Variants in PADI6 observed in about 807,000 individuals in gnomAD.
PADI6 encodes inactive protein-arginine deiminase type-6.
Under a neutral mutation model 78.2 loss-of-function variants are expected in PADI6, and 66 were observed. The ratio of observed to expected loss-of-function variants is 0.84; its 90% CI spans 0.69 to 1.04. The LOEUF (loss-of-function observed/expected upper bound fraction) is 1.04, where lower values mean the gene tolerates loss of function less well. Among genes scored for constraint, PADI6 ranks in the 50% least tolerant of loss-of-function variants. The pLI is 0.00. For synonymous variants in PADI6, 397 were observed against 346.9 expected, an observed-to-expected ratio of 1.14 and a Z score of -1.60; for missense variants, 854 against 866.1, an observed-to-expected ratio of 0.99 and a Z score of 0.18.
Position 17,388,770 on chromosome 1 carries a change from G to C in PADI6, c.859-7G>C, listed in dbSNP as rs1041170448. ...CAGGTTGCTAACAGGACCTTGTCTT[G>C]TTGCAGTCAATTCCAGAGACTGTGC... is the stretch of plus-strand genomic sequence containing the variant. On this transcript the variant is annotated splice_polypyrimidine_tract_variant and splice_region_variant and intron_variant, in intron 7 of 15. Coordinates refer to ENST00000619609, the MANE Select transcript of PADI6 (RefSeq NM_207421.4). 3 of 1,612,032 alleles carry C rather than the reference G, an allele frequency of 1.9e-6. No individual in the cohort carries two copies. Among genetic ancestry groups the C allele is most frequent in the Middle Eastern group, 1.7e-4 (1 of 6,034 alleles).
At position 17,378,299 on chromosome 1, in the gene PADI6, T is replaced by C. The variant is rs140232851; in HGVS notation, c.368-1621T>C. ...TCATGTAAGCTCTAAGGAGATGAGG[T>C]CTCCGTCTTGCACGCTGCTAGATCC... On this transcript the variant is annotated intron_variant, in intron 3 of 15. Transcript: ENST00000619609. 7.5e-3 allele frequency among the ~76,000 whole-genome samples: 1,146 copies of C among 152,210 alleles called. 9 individuals carry two copies. The highest frequency in any genetic ancestry group is 0.014 in the Middle Eastern group (4 of 294).
chr1:17,381,227 A>T, intron 5 of PADI6, 63 bp downstream of exon 5: 1 of 1,392,502 alleles, frequency 7.2e-7, no homozygotes, highest in Non-Finnish European at 9.9e-7. Context: ...CTTCTCAGCA[A>T]ATGGATTCCA....
intron 4 of PADI6, among the ~76,000 whole-genome samples, chr1:17,380,191 T>G (rs2075059163): frequency 6.6e-6 from 1 of 151,834 alleles, no homozygotes; most frequent in African/African-American, 2.4e-5. Flanking sequence ...GGGGTATTTT[T>G]TTGTTTTTTT....
intron 9 of PADI6, 40 bp downstream of exon 9, chr1:17,392,265 G>C: frequency 6.9e-7 from 1 of 1,455,830 alleles, no homozygotes; most frequent in African/African-American, 1.4e-5. Flanking sequence ...GGGGAGGGGT[G>C]GGGAGACTCA....
At chr1:17,393,895 G>A (rs6678552) in intron 9 of PADI6, 80 bp from the exon 10 acceptor site, 481,113 of 1,292,392 alleles carry the variant, frequency 0.37, 91,486 homozygotes, top group South Asian at 0.39. Context: ...AAGGAAGGGG[G>A]TTCTTACCGT....
Position 17,401,268 on chromosome 1 carries a change from G to A in PADI6, c.1915G>A (p.Gly639Arg). ...CAAGCCTTTTGGGCCCCAAATCAAG[G>A]GGACCTGCTGCCTGGAAGAAAAGAT... ...IPKPFGPQIK[G>R]TCCLEEKICC... Residue 639 changes from glycine (G) to arginine (R), a missense_variant, in exon 16 of 16, where the codon GGG becomes AGG. By Grantham distance (125) the Gly-to-Arg change is moderately radical (BLOSUM62 -2). Coordinates refer to ENST00000619609, the MANE Select transcript of PADI6 (RefSeq NM_207421.4). 5.0e-6 allele frequency: 8 copies of A among 1,614,086 alleles called. No individual in the cohort carries two copies. The highest frequency in any genetic ancestry group is 6.8e-6 in the Non-Finnish European group (8 of 1,179,912).
chr1:17,375,358 G>A, intron 2 of PADI6, 69 bp from the exon 3 acceptor site: 1 of 1,415,680 alleles, frequency 7.1e-7, no homozygotes, highest in Non-Finnish European at 9.8e-7. Context: ...CTCGGCACAT[G>A]GCCTGGGGCT....
chr1:17,401,115 G>A (rs371135347), intron 15 of PADI6, 90 bp from the exon 16 acceptor site: 9 of 1,237,968 alleles, frequency 7.3e-6, no homozygotes, highest in South Asian at 5.5e-5. Context: ...TGCCTGCTAC[G>A]CCTGGTCTGA....
At chr1:17,388,601 C>A (rs750305630) in intron 7 of PADI6, 42 bp downstream of exon 7, 1 of 1,537,192 alleles carries the variant, frequency 6.5e-7, no homozygotes. Flanking sequence ...TAGGATGCTC[C>A]GGTGGGGGAA....
At chr1:17,389,112 A>G (rs2075157057) in intron 8 of PADI6, among the ~76,000 whole-genome samples, 1 of 152,216 alleles carries the variant, frequency 6.6e-6, no homozygotes, top group Non-Finnish European at 1.5e-5. Context: ...TGTGAGGGCC[A>G]AACGGCATGG....
At chr1:17,392,271 A>G in intron 9 of PADI6, 46 bp downstream of exon 9, 2 of 1,398,838 alleles carry the variant, frequency 1.4e-6, no homozygotes, top group Non-Finnish European at 2.0e-6. Flanking sequence ...GGGTGGGGAG[A>G]CTCAGCATGT....
At chr1:17,373,315 C>A in intron 2 of PADI6, 82 bp downstream of exon 2, 1 of 1,499,868 alleles carries the variant, frequency 6.7e-7, no homozygotes, top group Non-Finnish European at 9.1e-7. Context: ...TGGCTGCAGA[C>A]GTGACTCGAG....
chr1:17,381,914 C>T (rs565879071), intron 5 of PADI6, 53 bp from the exon 6 acceptor site: 3 of 1,608,742 alleles, frequency 1.9e-6, no homozygotes, highest in Non-Finnish European at 2.5e-6. Flanking sequence ...CCCTCCACCC[C>T]CAGAGTGCTG....
At chr1:17,400,888 C>T (rs2075295510) in intron 15 of PADI6, among the ~76,000 whole-genome samples, 1 of 152,180 alleles carries the variant, frequency 6.6e-6, no homozygotes, top group Non-Finnish European at 1.5e-5. Flanking sequence ...CAGCAGTCAA[C>T]TGACAAAGCG....
At chr1:17,400,047 A>AC (rs1402859775) in intron 15 of PADI6, among the ~76,000 whole-genome samples, 2 of 151,074 alleles carry the variant, frequency 1.3e-5, no homozygotes, top group Non-Finnish European at 3.0e-5. Context: ...AAACAAACAA[A>AC]ACAAAACAAA....
chr1:17,373,031 G>T (rs765281917), intron 1 of PADI6, 25 bp from the exon 2 acceptor site: 1 of 1,608,962 alleles, frequency 6.2e-7, no homozygotes, highest in Non-Finnish European at 8.5e-7. Flanking sequence ...GTGCCCTGAC[G>T]CGTGTCTCTT....
At chr1:17,398,648 TCCCCC>T in intron 14 of PADI6, 33 bp from the exon 15 acceptor site, 2 of 193,328 alleles carry the variant, frequency 1.0e-5, no homozygotes, top group Middle Eastern at 1.6e-3. Flanking sequence ...CTCTCCTTGC[TCCCCC>T]GCCCCCCCCC....
intron 8 of PADI6, among the ~76,000 whole-genome samples, chr1:17,390,443 T>C (rs545655680): frequency 6.6e-6 from 1 of 151,434 alleles, no homozygotes; most frequent in East Asian, 1.9e-4. Flanking sequence ...CTACTAAAAA[T>C]ACAAAAAACA....
intron 8 of PADI6, among the ~76,000 whole-genome samples, chr1:17,391,656 CAT>C (rs1479265491): frequency 6.6e-6 from 1 of 152,202 alleles, no homozygotes; most frequent in Non-Finnish European, 1.5e-5. Flanking sequence ...CAACGCCACA[CAT>C]ATAAAAATGA....
Sources: allele counts gnomAD v4.1 joint callset (sites outside exome capture counted in the v4.1 genomes callset), GRCh38; gene constraint gnomAD v4.1.1; transcripts MANE v1.5; gene names NCBI Gene and HGNC (gene_info 2026-07-23, HGNC 2026-07-21).